THSD7B: variants seen among roughly 807,000 people sequenced by gnomAD.
THSD7B encodes the protein thrombospondin type 1 domain containing 7B.
A neutral mutation model predicts 213.6 loss-of-function variants in THSD7B; 138 were observed. That is an observed-to-expected ratio of 0.65 (90% CI 0.56 to 0.74). The LOEUF (loss-of-function observed/expected upper bound fraction) is 0.74. THSD7B is among the 30% of genes least tolerant of loss of function. The pLI is 0.00. For missense variants in THSD7B, 1,931 were observed against 1,991.5 expected (o/e 0.97, Z 0.58); for synonymous variants, 742 against 687.0 (o/e 1.08, Z -1.25).
intron 7 of THSD7B, among the ~76,000 whole-genome samples, chr2:137,181,082 A>G (rs1680443989): frequency 6.6e-6 from 1 of 152,218 alleles, no homozygotes; most frequent in Non-Finnish European, 1.5e-5. Context: ...TATAGTACAT[A>G]CTTATCTGGT....
chr2:137,207,224 T>G (rs1681006227), intron 7 of THSD7B, among the ~76,000 whole-genome samples: 1 of 152,096 alleles, frequency 6.6e-6, no homozygotes, highest in Non-Finnish European at 1.5e-5. Context: ...GTAGAGTTTA[T>G]TGTGGGCATT....
At chr2:137,390,361 T>G (rs1685993007) in intron 12 of THSD7B, among the ~76,000 whole-genome samples, 1 of 152,220 alleles carries the variant, frequency 6.6e-6, no homozygotes, top group South Asian at 2.1e-4. Context: ...TATATAGAAA[T>G]GCTACTGATT....
At chr2:137,090,895 G>A (rs1450472044) in intron 3 of THSD7B, among the ~76,000 whole-genome samples, 3 of 152,078 alleles carry the variant, frequency 2.0e-5, no homozygotes, top group South Asian at 2.1e-4. Context: ...GATTAAGATC[G>A]TAATAATATA....
At position 137,546,434 on chromosome 2, in the gene THSD7B, AT is replaced by A. The variant is rs1183141697; in HGVS notation, c.3139-16785del. Among the ~76,000 whole-genome samples, 76 of 22,396 alleles carry A rather than the reference AT, an allele frequency of 3.4e-3. 6 individuals are homozygous for A. Among genetic ancestry groups the A allele is most frequent in the Admixed American group, 7.2e-3 (10 of 1,386 alleles). 14.7% of individuals were successfully genotyped at this position (22,396 alleles called of 152,430 possible). ...TATATATTATATATATTATATATAT[AT>A]TATATATATTATATATATATTATAT... On this transcript the variant is annotated intron_variant, in intron 15 of 27. Coordinates refer to ENST00000409968, the MANE Select transcript of THSD7B (RefSeq NM_001316349.2).
chr2:137,093,702 C>T (rs1389032068), intron 3 of THSD7B, among the ~76,000 whole-genome samples: 1 of 152,164 alleles, frequency 6.6e-6, no homozygotes, highest in African/African-American at 2.4e-5. Context: ...TTCAGTGTTT[C>T]TCATCATTAC....
chr2:137,573,466 A>G (rs1681398852), intron 17 of THSD7B, among the ~76,000 whole-genome samples: 1 of 152,032 alleles, frequency 6.6e-6, no homozygotes, highest in Non-Finnish European at 1.5e-5. Context: ...TATTTGTATA[A>G]TTCTATTCCT....
chr2:137,341,424 T>C (rs1684758792), intron 12 of THSD7B, among the ~76,000 whole-genome samples: 1 of 151,632 alleles, frequency 6.6e-6, no homozygotes, highest in Admixed American at 6.6e-5. Flanking sequence ...CCTTGCTATG[T>C]AGAAGCTTTT....
intron 4 of THSD7B, among the ~76,000 whole-genome samples, chr2:137,102,515 A>T (rs1035584035): frequency 6.6e-6 from 1 of 152,188 alleles, no homozygotes; most frequent in Admixed American, 6.5e-5. Context: ...CCAGCAGGGG[A>T]ACAAAACTGG....
At chr2:137,363,921 G>A (rs749218104) in intron 12 of THSD7B, among the ~76,000 whole-genome samples, 1 of 152,134 alleles carries the variant, frequency 6.6e-6, no homozygotes, top group Non-Finnish European at 1.5e-5. Flanking sequence ...ACCAAAGCCT[G>A]GCAGAGACAC....
chr2:137,604,247 T>C (rs574787809), intron 17 of THSD7B, among the ~76,000 whole-genome samples: 222 of 152,324 alleles, frequency 1.5e-3, no homozygotes, highest in African/African-American at 5.1e-3. Context: ...ATTTCAACTT[T>C]TTAAATAGTG....
chr2:137,267,006 T>C (rs1318506107), intron 10 of THSD7B, among the ~76,000 whole-genome samples: 52 of 152,214 alleles, frequency 3.4e-4, no homozygotes, highest in Non-Finnish European at 1.5e-5. Flanking sequence ...AAAGGGTCTC[T>C]TTACATACTC....
intron 6 of THSD7B, 83 bp downstream of exon 6, chr2:137,160,451 C>T: frequency 6.7e-7 from 1 of 1,502,928 alleles, no homozygotes; most frequent in South Asian, 1.3e-5. Flanking sequence ...ATTAAGCCTG[C>T]TTAAGACAAT....
intron 1 of THSD7B, among the ~76,000 whole-genome samples, chr2:136,766,767 T>C (rs12477662): frequency 4.1e-4 from 63 of 152,322 alleles, no homozygotes; most frequent in Non-Finnish European, 6.8e-4. Context: ...TGGCATATTC[T>C]ACGGAAGATA....
intron 17 of THSD7B, among the ~76,000 whole-genome samples, chr2:137,606,582 G>T (rs528669384): frequency 1.3e-5 from 2 of 152,118 alleles, no homozygotes; most frequent in South Asian, 4.2e-4. Context: ...TACTTTTCTG[G>T]GGTCTAGAGA....
intron 12 of THSD7B, among the ~76,000 whole-genome samples, chr2:137,380,278 G>T (rs1247307526): frequency 6.6e-6 from 1 of 150,976 alleles, no homozygotes; most frequent in African/African-American, 2.4e-5. Flanking sequence ...AAATAGCCAC[G>T]CATGGTGGTA....
intron 16 of THSD7B, among the ~76,000 whole-genome samples, chr2:137,565,526 G>C (rs1380152851): frequency 6.6e-6 from 1 of 151,994 alleles, no homozygotes; most frequent in African/African-American, 2.4e-5. Context: ...CATTCATAAG[G>C]GTTCCACCTT....
At position 137,620,821 on chromosome 2, in the gene THSD7B, C is replaced by T. The variant is rs573304276; in HGVS notation, c.3799+95C>T. ...GATAAATGGCATAAGGTATGGGACC[C>T]AGCTGAAGTCAATATGAAACTGACC... On this transcript the variant is annotated intron_variant, in intron 20 of 27. Coordinates refer to ENST00000409968, the MANE Select transcript of THSD7B (RefSeq NM_001316349.2). 1,735 of 996,200 alleles carry T rather than the reference C, an allele frequency of 1.7e-3. 48 individuals are homozygous for T. The South Asian group carries it at 0.023, about 13-fold the overall frequency. 61.7% of individuals were successfully genotyped at this position (996,200 alleles called of 1,614,324 possible). A position where few individuals can be genotyped will look rare whatever the true frequency, so the allele number is the denominator to read the frequency against.
chr2:137,671,393 A>G (rs922657878), intron 27 of THSD7B, among the ~76,000 whole-genome samples: 3 of 152,150 alleles, frequency 2.0e-5, no homozygotes, highest in African/African-American at 7.2e-5. Context: ...ATATTAATCC[A>G]TTGTCATACT....
intron 27 of THSD7B, among the ~76,000 whole-genome samples, chr2:137,673,789 T>G (rs888124584): frequency 6.6e-6 from 1 of 152,168 alleles, no homozygotes; most frequent in African/African-American, 2.4e-5. Flanking sequence ...GATTAATATT[T>G]GAGAGGAGGC....
Sources: allele counts gnomAD v4.1 joint callset (sites outside exome capture counted in the v4.1 genomes callset), GRCh38; gene constraint gnomAD v4.1.1; transcripts MANE v1.5; gene names NCBI Gene and HGNC (gene_info 2026-07-23, HGNC 2026-07-21).